The following MROH2B variants were observed in gnomAD, a reference collection of about 807,000 sequenced individuals.
The protein encoded by MROH2B is maestro heat-like repeat-containing protein family member 2B.
Under a neutral mutation model 208.6 loss-of-function variants are expected in MROH2B, and 177 were observed. The ratio of observed to expected loss-of-function variants is 0.85; its 90% CI spans 0.75 to 0.96. MROH2B has a LOEUF of 0.96. Ranked by LOEUF, MROH2B falls within the 40% of genes least tolerant of loss-of-function variation. The probability of loss-of-function intolerance (pLI) is 0.00; values close to 1 mark genes in which losing one functional copy is unlikely to be tolerated. For synonymous variants in MROH2B, 728 were observed against 659.0 expected, an observed-to-expected ratio of 1.10 and a Z score of -1.60; for missense variants, 2,002 against 1,878.7, an observed-to-expected ratio of 1.07 and a Z score of -1.21.
At chr5:41,064,124 G>A (rs1579961275) in intron 5 of MROH2B, among the ~76,000 whole-genome samples, 1 of 152,194 alleles carries the variant, frequency 6.6e-6, no homozygotes, top group Non-Finnish European at 1.5e-5. Flanking sequence ...AAGTTGTACA[G>A]GGCAGTGAGG....
At chr5:41,051,935 C>T (rs950550151) in intron 12 of MROH2B, among the ~76,000 whole-genome samples, 1 of 152,060 alleles carries the variant, frequency 6.6e-6, no homozygotes, top group African/African-American at 2.4e-5. Flanking sequence ...GGGTTAGAAC[C>T]CTAATAAACT....
intron 35 of MROH2B, 114 bp from the exon 36 acceptor site, chr5:41,005,034 G>A (rs1365736299): frequency 1.5e-6 from 2 of 1,369,400 alleles, no homozygotes; most frequent in African/African-American, 1.5e-5. Flanking sequence ...CTTGTGCAGC[G>A]GAGGAGGAAG....
intron 19 of MROH2B, among the ~76,000 whole-genome samples, chr5:41,040,849 T>G (rs1742924601): frequency 6.6e-6 from 1 of 151,974 alleles, no homozygotes; most frequent in East Asian, 1.9e-4. Flanking sequence ...GTATTTTCAG[T>G]AGAGATGGGG....
At chr5:41,053,512 G>A (rs559368575) in intron 11 of MROH2B, among the ~76,000 whole-genome samples, 2 of 152,266 alleles carry the variant, frequency 1.3e-5, no homozygotes, top group Admixed American at 1.3e-4. Context: ...ATAGAAACAT[G>A]AGAACCAATC....
intron 38 of MROH2B, 37 bp from the exon 39 acceptor site, chr5:41,000,388 G>C (rs114547250): frequency 6.2e-7 from 1 of 1,603,882 alleles, no homozygotes; most frequent in Non-Finnish European, 8.5e-7. Context: ...AGTCCAGAAC[G>C]TTAGGATCTC....
chr5:41,039,344 C>G (rs1742869218), intron 20 of MROH2B, 104 bp downstream of exon 20: 3 of 669,482 alleles, frequency 4.5e-6, no homozygotes, highest in South Asian at 4.4e-5. Flanking sequence ...GAATAAGAAC[C>G]TGGGGACAGG....
intron 24 of MROH2B, among the ~76,000 whole-genome samples, chr5:41,027,454 G>T (rs1266841974): frequency 2.6e-5 from 4 of 152,128 alleles, no homozygotes; most frequent in Non-Finnish European, 5.9e-5. Flanking sequence ...ATCATCACTG[G>T]CCATCAGAGA....
At chr5:41,018,617 A>C in intron 26 of MROH2B, 74 bp downstream of exon 26, 1 of 1,544,216 alleles carries the variant, frequency 6.5e-7, no homozygotes. Flanking sequence ...AGGAAAATGC[A>C]GTAGAGTTTG....
chr5:41,061,896 C>A (rs1482416149), intron 5 of MROH2B, among the ~76,000 whole-genome samples, 172 bp from the exon 6 acceptor site: 1 of 152,130 alleles, frequency 6.6e-6, no homozygotes, highest in Non-Finnish European at 1.5e-5. Flanking sequence ...AAGTGAAATG[C>A]AAATTAAAAG....
chr5:41,029,719 G>T (rs1467912661), intron 24 of MROH2B, among the ~76,000 whole-genome samples: 1 of 152,034 alleles, frequency 6.6e-6, no homozygotes, highest in Non-Finnish European at 1.5e-5. Context: ...ATTTGACAGT[G>T]ATTTCTTGAA....
chr5:41,032,949 T>A (rs1742623713), intron 23 of MROH2B, 92 bp downstream of exon 23: 1 of 1,566,272 alleles, frequency 6.4e-7, no homozygotes, highest in Admixed American at 1.9e-5. Flanking sequence ...TATGTGGGAC[T>A]GGTGAAGTCT....
Position 41,038,819 on chromosome 5 carries a change from G to A in MROH2B, c.2131C>T (p.His711Tyr), listed in dbSNP as rs751092208. Reference protein sequence around the residue: ...VMVIYGAVALHAPKKQLLSRL... With the variant: ...VMVIYGAVALYAPKKQLLSRL... ...GAGAGAAGTTGCTTCTTGGGAGCAT[G>A]GAGGGCCACTGCTCCATAGATGACC... The change falls in exon 21 of 42, where the codon CAT (histidine) becomes TAT (tyrosine). Residue 711 changes from histidine (H) to tyrosine (Y), a missense_variant. Coordinates refer to ENST00000399564, the MANE Select transcript of MROH2B (RefSeq NM_173489.5). 1 of 1,613,512 alleles carries A rather than the reference G, an allele frequency of 6.2e-7. No homozygotes were observed. The highest frequency in any genetic ancestry group is 8.5e-7 in the Non-Finnish European group (1 of 1,179,574).
chr5:41,070,770 A>G, intron 1 of MROH2B, 55 bp downstream of exon 1: 2 of 1,582,500 alleles, frequency 1.3e-6, no homozygotes, highest in African/African-American at 1.3e-5. Flanking sequence ...TTATAATTCC[A>G]CAGAAACAAA....
chr5:41,009,264 A>G lies in MROH2B; in HGVS notation c.3420+16T>C. ...GCAGTCTCAGGCAAGTGATGGGTTC[A>G]GGCTGTCCAACTCACTGAAATTGCC... On this transcript the variant is annotated intron_variant, in intron 32 of 41. Transcript: ENST00000399564. 1 of 1,613,572 alleles carries G rather than the reference A, an allele frequency of 6.2e-7. No individual in the cohort carries two copies. The highest frequency in any genetic ancestry group is 8.5e-7 in the Non-Finnish European group (1 of 1,179,692).
chr5:41,029,796 G>A (rs550346175), intron 24 of MROH2B, among the ~76,000 whole-genome samples: 18 of 152,048 alleles, frequency 1.2e-4, no homozygotes, highest in South Asian at 2.1e-4. Flanking sequence ...TGTGCATCTC[G>A]GGAATACAAA....
In MROH2B at chr5:41,057,330, G is replaced by C; in HGVS notation, c.787C>G (p.Leu263Val). ...SLKQILTAAV[L>V]YDIGLPRSLR... The stretch of plus-strand genomic sequence containing the variant: ...CTCCTTGGAAGGCCAATGTCATAAA[G>C]AACTGCTGCAGTCAGTATTTGTTTT... The change falls in exon 8 of 42, where the codon CTT becomes GTT. Residue 263 changes from leucine (L) to valine (V), a missense_variant. Transcript: ENST00000399564. 1 of 1,585,486 alleles carries C rather than the reference G, an allele frequency of 6.3e-7. No individual in the cohort carries two copies. The highest frequency in any genetic ancestry group is 1.2e-5 in the South Asian group (1 of 86,846).
At chr5:41,066,058 C>T (rs1743803972) in intron 3 of MROH2B, among the ~76,000 whole-genome samples, 1 of 152,088 alleles carries the variant, frequency 6.6e-6, no homozygotes, top group Non-Finnish European at 1.5e-5. Flanking sequence ...GCTGGTTGAT[C>T]TGGTACCATG....
At chr5:41,055,487 C>T (rs325876) in intron 10 of MROH2B, among the ~76,000 whole-genome samples, 127,688 of 148,532 alleles carry the variant, frequency 0.86, 54,671 homozygotes, top group Non-Finnish European at 0.89. Context: ...CTTCTAAATT[C>T]GAACTTTAAT....
At chr5:41,057,230 G>GAAATT (rs1368868404) in intron 8 of MROH2B, 38 bp downstream of exon 8, 1 of 1,610,744 alleles carries the variant, frequency 6.2e-7, no homozygotes, top group Non-Finnish European at 8.5e-7. Flanking sequence ...AAAACCGGTT[G>GAAATT]AAATTAAAAA....
Sources: allele counts gnomAD v4.1 joint callset (sites outside exome capture counted in the v4.1 genomes callset), GRCh38; gene constraint gnomAD v4.1.1; transcripts MANE v1.5; gene names NCBI Gene and HGNC (gene_info 2026-07-23, HGNC 2026-07-21).